The following HEXB variants were observed in gnomAD, a reference collection of about 807,000 sequenced individuals.
The protein encoded by HEXB is beta-hexosaminidase subunit beta.
Under a neutral mutation model 71.2 loss-of-function variants are expected in HEXB, and 51 were observed. That is an observed-to-expected ratio of 0.72 (90% CI 0.57 to 0.90). HEXB has a LOEUF of 0.90. Ranked by LOEUF, HEXB falls within the 40% of genes least tolerant of loss-of-function variation. The probability of loss-of-function intolerance (pLI) is 0.00; values close to 1 mark genes in which losing one functional copy is unlikely to be tolerated. For synonymous variants in HEXB, 266 were observed against 249.3 expected (o/e 1.07, Z -0.63); for missense variants, 617 against 677.0 (o/e 0.91, Z 0.98).
chr5:74,720,727 G>T lies in HEXB; in HGVS notation c.1593G>T (p.Arg531Ser), dbSNP rs763475083. ...DMDDAYDRLT[R>S]HRCRMVERGI... ...ATGACGCCTATGACAGACTGACAAGGCACCGCTGCAGGATGGTCGAGTAAG... is the reference window on the plus strand; with the variant it reads ...ATGACGCCTATGACAGACTGACAAGTCACCGCTGCAGGATGGTCGAGTAAG... The change falls in exon 13 of 14, where the codon AGG becomes AGT. Residue 531 changes from arginine (R) to serine (S), a missense_variant. By Grantham distance (110) the Arg-to-Ser change is moderately radical (BLOSUM62 -1). Transcript: ENST00000261416. The T allele has an allele frequency of 4.3e-6, 7 of 1,613,824 alleles. No individual in the cohort carries two copies. The highest frequency in any genetic ancestry group is 5.9e-6 in the Non-Finnish European group (7 of 1,179,718).
chr5:74,705,361 G>T (rs912451436), intron 6 of HEXB, 41 bp downstream of exon 6: 2 of 1,054,352 alleles, frequency 1.9e-6, no homozygotes, highest in Admixed American at 1.7e-5. Flanking sequence ...AAAACATTGG[G>T]TATAGTTTCA....
chr5:74,670,234 T>A (rs1283789317), intron 1 of HEXB, among the ~76,000 whole-genome samples: 1 of 151,726 alleles, frequency 6.6e-6, no homozygotes, highest in African/African-American at 2.4e-5. Flanking sequence ...GCCTTTGTTT[T>A]AGCCTCTTTT....
intron 1 of HEXB, among the ~76,000 whole-genome samples, chr5:74,653,299 A>G (rs1385460602): frequency 1.3e-5 from 2 of 152,222 alleles, no homozygotes; most frequent in Non-Finnish European, 2.9e-5. Flanking sequence ...CTGTCCCTCA[A>G]TTTACACAGT....
Position 74,652,872 on chromosome 5 carries a change from G to C in HEXB, c.-377+12314G>C, listed in dbSNP as rs1748146432. ...AGCAAGGGGGAAAAGCCTCCCTCTTGGGCGACTACACACATCTACGCTAGT... is the reference window on the plus strand; with the variant it reads ...AGCAAGGGGGAAAAGCCTCCCTCTTCGGCGACTACACACATCTACGCTAGT... On this transcript the variant is annotated intron_variant, in intron 1 of 13. Coordinates refer to the HEXB transcript ENST00000511181. The surrounding 1 kb of genome is among the most constrained non-coding windows in gnomAD (Gnocchi z 5.4). Among the ~76,000 whole-genome samples, 1 of 152,050 alleles carries C rather than the reference G, an allele frequency of 6.6e-6. No homozygotes were observed. The highest frequency in any genetic ancestry group is 2.4e-5 in the African/African-American group (1 of 41,382).
intron 1 of HEXB, among the ~76,000 whole-genome samples, chr5:74,653,995 A>T (rs1318263137): frequency 1.3e-5 from 2 of 152,126 alleles, no homozygotes; most frequent in African/African-American, 4.8e-5. Context: ...TCAAGGTGTC[A>T]CTTATCCTAT....
chr5:74,666,364 C>G (rs967089126), intron 1 of HEXB, among the ~76,000 whole-genome samples: 1 of 152,180 alleles, frequency 6.6e-6, no homozygotes, highest in South Asian at 2.1e-4. Flanking sequence ...TGTGTATGCA[C>G]GTAATTGGAG....
Position 74,716,678 on chromosome 5 carries a change from G to A in HEXB, c.1169+5G>A, listed in dbSNP as rs1554036739. On this transcript the variant is annotated splice_donor_5th_base_variant and intron_variant, in intron 9 of 13. Coordinates refer to ENST00000261416, the MANE Select transcript of HEXB (RefSeq NM_000521.4). ...AGAATCTTTCTACATTCAAAAGTAA[G>A]TTGTTTGAAAGCCTATTTCTGTATT... is the stretch of plus-strand genomic sequence containing the variant. 1.3e-6 allele frequency: 2 copies of A among 1,558,950 alleles called. No homozygotes were observed. Among genetic ancestry groups the A allele is most frequent in the South Asian group, 2.2e-5 (2 of 89,314 alleles).
In HEXB at chr5:74,649,802, G is replaced by C. The variant is rs148232091; in HGVS notation, c.-377+9244G>C. Reference sequence around the variant, plus strand: ...GATCATTCTTTCATTCTGGCACACAGTACCCATAAGAGATTGTTACATCAG... The same window carrying C: ...GATCATTCTTTCATTCTGGCACACACTACCCATAAGAGATTGTTACATCAG... On this transcript the variant is annotated intron_variant, in intron 1 of 13. Coordinates refer to the HEXB transcript ENST00000511181. Among the ~76,000 whole-genome samples the C allele has an allele frequency of 7.0e-3, 1,072 of 152,304 alleles. 4 individuals are homozygous for C. The highest frequency in any genetic ancestry group is 9.8e-3 in the Non-Finnish European group (667 of 68,026).
chr5:74,641,514 G>A lies in HEXB; in HGVS notation c.-377+956G>A, dbSNP rs1348450700. On this transcript the variant is annotated intron_variant, in intron 1 of 13. Transcript: ENST00000511181. The surrounding 1 kb of genome is among the most constrained non-coding windows in gnomAD (Gnocchi z 4.1). ...TTTCAGCCAATCGCCGCGGCCGCTTGATTCAAAGTGAACTCCTCAAAGCAG... is the reference window on the plus strand; with the variant it reads ...TTTCAGCCAATCGCCGCGGCCGCTTAATTCAAAGTGAACTCCTCAAAGCAG... 1 of 152,292 alleles carries A rather than the reference G, an allele frequency of 6.6e-6. No homozygotes were observed. The highest frequency in any genetic ancestry group is 1.5e-5 in the Non-Finnish European group (1 of 68,106). 9.4% of individuals were successfully genotyped at this position (152,292 alleles called of 1,614,324 possible).
chr5:74,708,562 C>A (rs909815286), intron 6 of HEXB, among the ~76,000 whole-genome samples: 1 of 152,088 alleles, frequency 6.6e-6, no homozygotes, highest in African/African-American at 2.4e-5. Context: ...CGGGCAGAGA[C>A]ACACATAGGC....
intron 3 of HEXB, among the ~76,000 whole-genome samples, chr5:74,694,235 C>T (rs1280247482): frequency 6.6e-6 from 1 of 152,204 alleles, no homozygotes; most frequent in East Asian, 1.9e-4. Context: ...AAGGTTATTA[C>T]ATTCCTGCAG....
chr5:74,695,578 C>T (rs1290941827), intron 3 of HEXB, among the ~76,000 whole-genome samples: 8 of 150,882 alleles, frequency 5.3e-5, no homozygotes, highest in Admixed American at 3.9e-4. Context: ...CGGTGGCTCA[C>T]GCCTGTAATC....
intron 1 of HEXB, among the ~76,000 whole-genome samples, chr5:74,648,003 A>G (rs1039082391): frequency 6.6e-6 from 1 of 152,218 alleles, no homozygotes; most frequent in South Asian, 2.1e-4. Context: ...ACTCTGAAAG[A>G]CAGAGGTGGT....
upstream of HEXB, among the ~76,000 whole-genome samples, chr5:74,680,935 T>A (rs954656710): frequency 6.6e-6 from 1 of 152,250 alleles, no homozygotes. Flanking sequence ...TGGAAACACA[T>A]TTGCTGTAAA....
chr5:74,694,266 C>T (rs1263219486), intron 3 of HEXB, among the ~76,000 whole-genome samples: 1 of 152,202 alleles, frequency 6.6e-6, no homozygotes, highest in South Asian at 2.1e-4. Flanking sequence ...CATTGATGCT[C>T]TTGGGACTGT....
chr5:74,699,357 C>G (rs2112146165), intron 5 of HEXB, among the ~76,000 whole-genome samples: 1 of 151,886 alleles, frequency 6.6e-6, no homozygotes, highest in African/African-American at 2.4e-5. Context: ...TCACTGCTAC[C>G]TCCGCCTCCT....
At chr5:74,659,613 GC>G (rs909612499) in intron 1 of HEXB, among the ~76,000 whole-genome samples, 1 of 152,096 alleles carries the variant, frequency 6.6e-6, no homozygotes, top group African/African-American at 2.4e-5. Flanking sequence ...AGTGGGGTGG[GC>G]CTCCAATAGA....
intron 1 of HEXB, among the ~76,000 whole-genome samples, chr5:74,651,653 T>C (rs1383450267): frequency 6.6e-6 from 1 of 152,194 alleles, no homozygotes; most frequent in Non-Finnish European, 1.5e-5. Flanking sequence ...AGGACGATCA[T>C]TGACATATGA....
At position 74,720,616 on chromosome 5, in the gene HEXB, CG is replaced by C. The variant is rs747523020; in HGVS notation, c.1509-21del. On this transcript the variant is annotated intron_variant, in intron 12 of 13. Coordinates refer to ENST00000261416, the MANE Select transcript of HEXB (RefSeq NM_000521.4). The stretch of plus-strand genomic sequence containing the variant: ...GCTAAACATAAATTTAAACTGCTTG[CG>C]GGGGGATGTGTGATTTAAATTTTAG... 6.2e-7 allele frequency: 1 copy of C among 1,602,046 alleles called. No homozygotes were observed. The highest frequency in any genetic ancestry group is 1.3e-5 in the African/African-American group (1 of 74,768).
Sources: gnomAD v4.1 joint callset for allele counts (sites outside exome capture counted in the v4.1 genomes callset) on GRCh38, gnomAD v4.1.1 for gene constraint, Gnocchi (gnomAD v3.1) non-coding constraint, MANE v1.5 for transcripts, NCBI Gene and HGNC (gene_info 2026-07-23, HGNC 2026-07-21) for gene names.